Variants in FAT4 observed in about 807,000 individuals in gnomAD.
The protein encoded by FAT4 is FAT atypical cadherin 4, also known as protocadherin Fat 4.
A neutral mutation model predicts 303.9 loss-of-function variants in FAT4; 84 were observed. That is an observed-to-expected ratio of 0.28 (90% CI 0.23 to 0.33). The LOEUF (loss-of-function observed/expected upper bound fraction) is 0.33, where lower values mean the gene tolerates loss of function less well. Ranked by LOEUF, FAT4 falls within the 10% of genes least tolerant of loss-of-function variation. The pLI, the probability that FAT4 is intolerant of heterozygous loss-of-function variation, is 1.00. For missense variants in FAT4, 6,005 were observed against 6,146.8 expected (o/e 0.98, Z 0.77); for synonymous variants, 2,307 against 2,298.8 (o/e 1.00, Z -0.10).
intron 6 of FAT4, 108 bp downstream of exon 6, chr4:125,415,914 A>C (rs1735038872): frequency 1.2e-6 from 1 of 831,836 alleles, no homozygotes; most frequent in Non-Finnish European, 1.8e-6. Context: ...CCTCATTCTC[A>C]TCCATAAATG....
intron 2 of FAT4, among the ~76,000 whole-genome samples, chr4:125,338,297 T>C (rs1181315809): frequency 6.6e-6 from 1 of 152,188 alleles, no homozygotes; most frequent in Non-Finnish European, 1.5e-5. Context: ...ATCTTGGTTC[T>C]GCACACTGTC....
In FAT4 at chr4:125,317,489, G is replaced by C; in HGVS notation, c.1078G>C (p.Ala360Pro). 1 of 1,613,722 alleles carries C rather than the reference G, an allele frequency of 6.2e-7. No homozygotes were observed. The stretch of plus-strand genomic sequence containing the variant: ...GGTAGTGAAGTTCCGCTACTTCCCG[G>C]CCACCTCGCGCTACGCCTCGGTAGA... ...DPVVKFRYFPATSRYASVDEN... is the reference protein window; with the variant it reads ...DPVVKFRYFPPTSRYASVDEN... Residue 360 changes from alanine (A) to proline (P), a missense_variant, in exon 2 of 18, where the codon GCC (alanine) becomes CCC (proline). Transcript: ENST00000394329. This position sits in a 1 kb window ranked among gnomAD's most constrained non-coding sequence, Gnocchi z 7.0.
intron 2 of FAT4, among the ~76,000 whole-genome samples, chr4:125,352,443 G>A (rs747973995): frequency 2.6e-5 from 4 of 151,658 alleles, no homozygotes; most frequent in Non-Finnish European, 4.4e-5. Flanking sequence ...TCAAAAAAAT[G>A]TTTACACAGA....
chr4:125,408,370 T>G (rs1734704048), intron 4 of FAT4, 74 bp from the exon 5 acceptor site: 1 of 934,136 alleles, frequency 1.1e-6, no homozygotes, highest in Admixed American at 2.5e-5. Flanking sequence ...CATTTTTTGG[T>G]CTCTTTCTAT....
chr4:125,447,774 C>T lies in FAT4; in HGVS notation c.7451-687C>T, dbSNP rs540216566. Among the ~76,000 whole-genome samples, 6 of 152,220 alleles carry T rather than the reference C, an allele frequency of 3.9e-5. No homozygotes were observed. The South Asian group carries it at 1.2e-3, about 32-fold the overall frequency. On this transcript the variant is annotated intron_variant, in intron 9 of 17. Coordinates refer to ENST00000394329, the MANE Select transcript of FAT4 (RefSeq NM_001291303.3). ...CTGTTTCATTGGCACTCAGTCTAAG[C>T]ACTAACTTTTGGAGTCCAAGTTGAG...
chr4:125,408,726 C>T lies in FAT4; in HGVS notation c.5852C>T (p.Thr1951Ile). 6.2e-7 allele frequency: 1 copy of T among 1,610,578 alleles called. No homozygotes were observed. The change falls in exon 5 of 18, where the codon ACA (threonine) becomes ATA (isoleucine). Residue 1951 changes from threonine (T) to isoleucine (I), a missense_variant. Transcript: ENST00000394329. ...PPIFSLNSYS[T>I]SLMENLPVGS... ...ATTTTCAGCTTGAATTCATACAGCA[C>T]ATCTTTAATGGAGAATCTACCTGTG...
chr4:125,339,651 A>G (rs1470844269), intron 2 of FAT4, among the ~76,000 whole-genome samples: 1 of 152,202 alleles, frequency 6.6e-6, no homozygotes, highest in African/African-American at 2.4e-5. Context: ...CCTCAAAATA[A>G]TGCTATGAAA....
chr4:125,461,417 T>C lies in FAT4; in HGVS notation c.11801-2146T>C, dbSNP rs1490822925. Among the ~76,000 whole-genome samples, 5 of 152,076 alleles carry C rather than the reference T, an allele frequency of 3.3e-5. No individual in the cohort carries two copies. The East Asian group carries it at 9.6e-4, about 29-fold the overall frequency. ...GTCAGAGAGCACATATGTCCAATTA[T>C]TTGAGTAAGTATACATAGCAGTACC... On this transcript the variant is annotated intron_variant, in intron 10 of 17. Transcript: ENST00000394329.
chr4:125,473,202 G>A (rs1396200136), intron 12 of FAT4, among the ~76,000 whole-genome samples: 3 of 151,876 alleles, frequency 2.0e-5, no homozygotes, highest in African/African-American at 2.4e-5. Flanking sequence ...TGCTTAAACA[G>A]GTGTTGGTCA....
rs571845376 is a variant in FAT4, at chr4:125,328,575, G to A, written c.5175+6989G>A. ...TTGCTACTGGCAGGTGGGAGCAAGT[G>A]GCATTTTTGATGATTGTTACAGATT... On this transcript the variant is annotated intron_variant, in intron 2 of 17. Transcript: ENST00000394329. 2.0e-5 allele frequency among the ~76,000 whole-genome samples: 3 copies of A among 152,234 alleles called. No homozygotes were observed. In the East Asian group the frequency reaches 5.8e-4, roughly 29 times the overall value.
rs1268240948 is a variant in FAT4 at position 125,490,117 on chromosome 4, C to A, written c.13301C>A (p.Ser4434Tyr). The A allele has an allele frequency of 6.2e-7, 1 of 1,614,036 alleles. No individual in the cohort carries two copies. The highest frequency in any genetic ancestry group is 1.1e-5 in the South Asian group (1 of 91,090). The change falls in exon 18 of 18, where the codon TCC becomes TAC. Residue 4434 changes from serine to tyrosine, a missense_variant. Coordinates refer to ENST00000394329, the MANE Select transcript of FAT4 (RefSeq NM_001291303.3). The stretch of plus-strand genomic sequence containing the variant: ...TGTGTCCCTCCTGGGGACTGTGCCT[C>A]CCACCCGTGCCAGAATGGTGGCAGC... Reference protein sequence around the residue: ...YRCVPPGDCASHPCQNGGSCE... With the variant: ...YRCVPPGDCAYHPCQNGGSCE...
chr4:125,340,754 G>A (rs1731760368), intron 2 of FAT4, among the ~76,000 whole-genome samples: 1 of 152,168 alleles, frequency 6.6e-6, no homozygotes, highest in Admixed American at 6.5e-5. Context: ...AGTAGCAGCA[G>A]CAGTAGTAGT....
chr4:125,440,255 T>A, intron 8 of FAT4, among the ~76,000 whole-genome samples: 1 of 152,126 alleles, frequency 6.6e-6, no homozygotes, highest in Non-Finnish European at 1.5e-5. Context: ...CACAACCTGT[T>A]TTCTCTGACC....
At chr4:125,423,787 TG>T (rs1724990523) in intron 7 of FAT4, among the ~76,000 whole-genome samples, 1 of 152,260 alleles carries the variant, frequency 6.6e-6, no homozygotes, top group African/African-American at 2.4e-5. Context: ...CCCAAGACCA[TG>T]GGAGCCCATG....
chr4:125,317,607 T>C lies in FAT4; in HGVS notation c.1196T>C (p.Leu399Pro). The change falls in exon 2 of 18, where the codon CTC becomes CCC. Residue 399 changes from leucine (L) to proline (P), a missense_variant. Leu to Pro is a moderately conservative substitution (Grantham distance 98). Transcript: ENST00000394329. This position sits in a 1 kb window ranked among gnomAD's most constrained non-coding sequence, Gnocchi z 7.0. Reference sequence around the variant, plus strand: ...AACGGGAACATCTCCGTGCAAATTCTCGGGGGCAATGAGCAGCGCCACTTT... The same window carrying C: ...AACGGGAACATCTCCGTGCAAATTCCCGGGGGCAATGAGCAGCGCCACTTT... ...AANGNISVQI[L>P]GGNEQRHFEV... The C allele has an allele frequency of 1.2e-6, 2 of 1,613,850 alleles. No homozygotes were observed. Among genetic ancestry groups the C allele is most frequent in the Non-Finnish European group, 1.7e-6 (2 of 1,179,944 alleles).
intron 2 of FAT4, among the ~76,000 whole-genome samples, chr4:125,355,856 A>T (rs187325435): frequency 1.3e-4 from 19 of 151,992 alleles, no homozygotes; most frequent in African/African-American, 4.6e-4. Flanking sequence ...ATCTTTCTAT[A>T]GGGCCAGAAG....
chr4:125,428,462 A>G (rs1404479789), intron 7 of FAT4, among the ~76,000 whole-genome samples: 2 of 152,180 alleles, frequency 1.3e-5, no homozygotes, highest in Non-Finnish European at 2.9e-5. Context: ...CTGTGGTATC[A>G]TAAATAATTG....
intron 10 of FAT4, among the ~76,000 whole-genome samples, chr4:125,461,811 G>T (rs1244339532): frequency 6.6e-6 from 1 of 150,878 alleles, no homozygotes; most frequent in Non-Finnish European, 1.5e-5. Flanking sequence ...TGTGCTGTAA[G>T]AAAAAAAAAT....
intron 2 of FAT4, among the ~76,000 whole-genome samples, chr4:125,372,527 G>GA (rs1335982836): frequency 3.3e-5 from 5 of 152,006 alleles, no homozygotes; most frequent in African/African-American, 1.2e-4. Context: ...AGTGTGATAG[G>GA]AACTATTAAC....
Sources: allele counts gnomAD v4.1 joint callset (sites outside exome capture counted in the v4.1 genomes callset), GRCh38; gene constraint gnomAD v4.1.1; non-coding constraint Gnocchi (gnomAD v3.1); transcripts MANE v1.5; gene names NCBI Gene and HGNC (gene_info 2026-07-23, HGNC 2026-07-21).